Variants in HAT1 observed in about 807,000 individuals in gnomAD.
HAT1 encodes histone acetyltransferase 1.
A neutral mutation model predicts 56.6 loss-of-function variants in HAT1; 20 were observed. The observed-to-expected ratio is 0.35, with a 90% CI of 0.25 to 0.51. HAT1 has a LOEUF of 0.51. Among genes scored for constraint, HAT1 ranks in the 20% least tolerant of loss-of-function variants. HAT1 has a pLI of 0.95. For missense variants in HAT1, 408 were observed against 504.3 expected (o/e 0.81, Z 1.83); for synonymous variants, 146 against 165.5 (o/e 0.88, Z 0.91).
At position 171,968,007 on chromosome 2, in the gene HAT1, T is replaced by C. The variant is rs148278541; in HGVS notation, c.823+1058T>C. On this transcript the variant is annotated intron_variant, in intron 8 of 10. Transcript: ENST00000264108. ...ACTAGTAATCCAAGGTAAATAAAAT[T>C]GAAGTTGCTTCAGAACAGTGAATTG... Among the ~76,000 whole-genome samples, 113 of 148,592 alleles carry C rather than the reference T, an allele frequency of 7.6e-4. 1 individual carries two copies. The East Asian group carries it at 0.016, about 20-fold the overall frequency.
chr2:171,961,519 GAGAGC>G (rs1234565221), intron 4 of HAT1, among the ~76,000 whole-genome samples: 1 of 152,166 alleles, frequency 6.6e-6, no homozygotes, highest in Non-Finnish European at 1.5e-5. Flanking sequence ...GAGAGGATAT[GAGAGC>G]AGATTTTAAA....
intron 9 of HAT1, among the ~76,000 whole-genome samples, chr2:171,977,566 T>A (rs1421699048): frequency 1.3e-3 from 83 of 63,510 alleles, no homozygotes; most frequent in African/African-American, 4.1e-3. Context: ...TATTTTTTTT[T>A]TTTTTTTTTT....
chr2:171,934,601 G>T (rs1464390935), intron 2 of HAT1, among the ~76,000 whole-genome samples: 1 of 152,132 alleles, frequency 6.6e-6, no homozygotes, highest in East Asian at 1.9e-4. Context: ...AGGTGAGTGG[G>T]AGGAGTGAGT....
At chr2:171,959,754 G>A (rs1687531744) in intron 4 of HAT1, among the ~76,000 whole-genome samples, 1 of 152,178 alleles carries the variant, frequency 6.6e-6, no homozygotes, top group Non-Finnish European at 1.5e-5. Flanking sequence ...CAAAGTCATG[G>A]AGCTTACATT....
chr2:171,960,534 TCATC>T (rs1468458476), intron 4 of HAT1, among the ~76,000 whole-genome samples: 1 of 152,228 alleles, frequency 6.6e-6, no homozygotes, highest in Non-Finnish European at 1.5e-5. Context: ...TAATTTTTAA[TCATC>T]CATTCTTTTA....
intron 4 of HAT1, among the ~76,000 whole-genome samples, chr2:171,962,118 AAT>A (rs1238409307): frequency 3.9e-5 from 6 of 152,148 alleles, no homozygotes; most frequent in Non-Finnish European, 1.5e-5. Flanking sequence ...ACATTAAAAA[AAT>A]AGATTACTAA....
At chr2:171,938,977 G>A (rs539570480) in intron 2 of HAT1, among the ~76,000 whole-genome samples, 50 of 152,278 alleles carry the variant, frequency 3.3e-4, no homozygotes, top group Admixed American at 2.5e-3. Flanking sequence ...CTGGACTCAA[G>A]CAATTCGCCT....
intron 4 of HAT1, among the ~76,000 whole-genome samples, chr2:171,953,382 T>A (rs1558971433): frequency 6.6e-6 from 1 of 151,816 alleles, no homozygotes; most frequent in Non-Finnish European, 1.5e-5. Context: ...AAATAGTTTC[T>A]AAAAATTAAA....
At chr2:171,981,515 C>G (rs1343109608) in intron 10 of HAT1, among the ~76,000 whole-genome samples, 3 of 152,208 alleles carry the variant, frequency 2.0e-5, no homozygotes, top group Non-Finnish European at 4.4e-5. Context: ...GCTGACACTA[C>G]TTGCTGAATC....
intron 2 of HAT1, among the ~76,000 whole-genome samples, chr2:171,938,061 TCTCTCTCTCTCTC>T (rs1686920248): frequency 3.4e-5 from 5 of 147,780 alleles, no homozygotes; most frequent in African/African-American, 1.0e-4. Context: ...TCTCTCTCTC[TCTCTCTCTCTCTC>T]TTTAAATGAA....
chr2:171,979,337 A>G lies in HAT1; in HGVS notation c.1066A>G (p.Lys356Glu). ...ATACAGAAGCTACAGACTGGATATTAAAAGAAGACTAATTAGCCCATATAA... is the reference window on the plus strand; with the variant it reads ...ATACAGAAGCTACAGACTGGATATTGAAAGAAGACTAATTAGCCCATATAA... Reference protein sequence around the residue: ...EQYRSYRLDIKRRLISPYKKK... With the variant: ...EQYRSYRLDIERRLISPYKKK... Residue 356 changes from lysine (K) to glutamate (E), a missense_variant, in exon 10 of 11, where the codon AAA (lysine) becomes GAA (glutamate). Transcript: ENST00000264108. 1 of 1,574,534 alleles carries G rather than the reference A, an allele frequency of 6.4e-7. No homozygotes were observed. Among genetic ancestry groups the G allele is most frequent in the Non-Finnish European group, 8.7e-7 (1 of 1,144,028 alleles).
At chr2:171,922,700 C>A (rs922731788) in intron 1 of HAT1, 193 bp downstream of exon 1, 19 of 419,748 alleles carry the variant, frequency 4.5e-5, no homozygotes, top group Non-Finnish European at 4.9e-5. Context: ...CCCCCGCCCC[C>A]AACTGCTTGG....
chr2:171,966,548 T>C, intron 7 of HAT1, 35 bp downstream of exon 7: 3 of 940,278 alleles, frequency 3.2e-6, no homozygotes, highest in Non-Finnish European at 5.3e-6. Context: ...TTGTCTTTTA[T>C]TTCAGAAGAA....
At chr2:171,958,421 G>GTTT (rs935866426) in intron 4 of HAT1, among the ~76,000 whole-genome samples, 2 of 151,088 alleles carry the variant, frequency 1.3e-5, no homozygotes, top group East Asian at 3.9e-4. Context: ...TTGACCATGT[G>GTTT]TTTTTCCCCC....
At chr2:171,951,774 G>T (rs188775388) in intron 3 of HAT1, among the ~76,000 whole-genome samples, 16 of 152,058 alleles carry the variant, frequency 1.1e-4, no homozygotes, top group African/African-American at 2.7e-4. Flanking sequence ...ACTGTTTTGC[G>T]TAATATCACT....
At chr2:171,975,610 T>C (rs1319064846) in intron 8 of HAT1, among the ~76,000 whole-genome samples, 1 of 152,230 alleles carries the variant, frequency 6.6e-6, no homozygotes, top group African/African-American at 2.4e-5. Flanking sequence ...TTCTAAAAGC[T>C]GTCTGTTTCA....
chr2:171,958,754 A>T (rs1687507712), intron 4 of HAT1, among the ~76,000 whole-genome samples: 1 of 152,218 alleles, frequency 6.6e-6, no homozygotes, highest in African/African-American at 2.4e-5. Flanking sequence ...AGCAGTTCCT[A>T]AAACATTAAC....
chr2:171,952,156 T>A (rs1276984424), intron 3 of HAT1, among the ~76,000 whole-genome samples: 1 of 152,220 alleles, frequency 6.6e-6, no homozygotes, highest in Admixed American at 6.5e-5. Flanking sequence ...TGGAACATTG[T>A]CATTACTTCC....
intron 10 of HAT1, among the ~76,000 whole-genome samples, chr2:171,982,633 G>T (rs936769142): frequency 1.3e-5 from 2 of 152,144 alleles, no homozygotes; most frequent in Admixed American, 6.6e-5. Flanking sequence ...GATAATGTAT[G>T]TCTGGAACTT....
Sources: gnomAD v4.1 joint callset for allele counts (sites outside exome capture counted in the v4.1 genomes callset) on GRCh38, gnomAD v4.1.1 for gene constraint, MANE v1.5 for transcripts, NCBI Gene and HGNC (gene_info 2026-07-23, HGNC 2026-07-21) for gene names.